The following NPTN variants were observed in gnomAD, a reference collection of about 807,000 sequenced individuals.
NPTN encodes the protein neuroplastin.
Under a neutral mutation model 42.7 loss-of-function variants are expected in NPTN, and 5 were observed. The ratio of observed to expected loss-of-function variants is 0.12; its 90% CI spans 0.06 to 0.25. The LOEUF (loss-of-function observed/expected upper bound fraction) is 0.25. Ranked by LOEUF, NPTN falls within the 10% of genes least tolerant of loss-of-function variation. The probability of loss-of-function intolerance (pLI) is 1.00; values close to 1 mark genes in which losing one functional copy is unlikely to be tolerated. For synonymous variants in NPTN, 180 were observed against 201.9 expected (o/e 0.89, Z 0.92); for missense variants, 307 against 525.4 (o/e 0.58, Z 4.06).
At chr15:73,592,180 T>C (rs1297888044) in intron 2 of NPTN, 43 bp from the exon 3 acceptor site, 1 of 1,571,880 alleles carries the variant, frequency 6.4e-7, no homozygotes, top group East Asian at 2.3e-5. Context: ...TAGCCTTCCA[T>C]CCTCTGTAGC....
intron 1 of NPTN, among the ~76,000 whole-genome samples, chr15:73,617,299 T>C (rs1386528530): frequency 2.0e-5 from 3 of 152,238 alleles, no homozygotes; most frequent in Admixed American, 2.0e-4. Context: ...AACACCAAAG[T>C]ATTATTTGAA....
chr15:73,620,262 G>C (rs1485195909), intron 1 of NPTN, among the ~76,000 whole-genome samples: 4 of 152,160 alleles, frequency 2.6e-5, no homozygotes, highest in African/African-American at 7.2e-5. Context: ...AAAGAGTAAA[G>C]GCAAGTCAAC....
At chr15:73,602,530 T>C (rs1462832789) in intron 1 of NPTN, among the ~76,000 whole-genome samples, 1 of 152,220 alleles carries the variant, frequency 6.6e-6, no homozygotes, top group African/African-American at 2.4e-5. Context: ...GACCCTTAAC[T>C]GCTGTGAGGC....
chr15:73,588,328 T>G (rs1486852052), intron 3 of NPTN, among the ~76,000 whole-genome samples: 1 of 152,218 alleles, frequency 6.6e-6, no homozygotes, highest in Non-Finnish European at 1.5e-5. Flanking sequence ...CTTTCTGAGC[T>G]TCTCCAAAGA....
intron 4 of NPTN, among the ~76,000 whole-genome samples, chr15:73,586,727 G>A (rs1896337211): frequency 6.6e-6 from 1 of 152,160 alleles, no homozygotes; most frequent in African/African-American, 2.4e-5. Context: ...AAATGAGAAA[G>A]ACTGAAAATA....
At chr15:73,582,366 C>T (rs765812906) in intron 4 of NPTN, among the ~76,000 whole-genome samples, 9 of 152,218 alleles carry the variant, frequency 5.9e-5, no homozygotes, top group Non-Finnish European at 1.3e-4. Flanking sequence ...TGAAGATTTA[C>T]TGCTTGCCAA....
chr15:73,569,625 CA>C lies in NPTN; in HGVS notation c.1114+524del. 1.0e-6 allele frequency: 1 copy of C among 985,484 alleles called. No individual in the cohort carries two copies. Among genetic ancestry groups the C allele is most frequent in the Non-Finnish European group, 1.2e-6 (1 of 829,934 alleles). 61.0% of individuals were successfully genotyped at this position (985,484 alleles called of 1,614,324 possible). A position where few individuals can be genotyped will look rare whatever the true frequency, so the allele number is the denominator to read the frequency against. ...CAAGGAACCAAAAGCTGGCTTGTTCCAATGGCTTTTCTGAGAACAGTCTGAC... is the reference window on the plus strand; with the variant it reads ...CAAGGAACCAAAAGCTGGCTTGTTCCATGGCTTTTCTGAGAACAGTCTGAC... On this transcript the variant is annotated intron_variant, in intron 6 of 8. Transcript: ENST00000345330. This position sits in a 1 kb window ranked among gnomAD's most constrained non-coding sequence, Gnocchi z 4.1.
Position 73,573,584 on chromosome 15 carries a change from A to G in NPTN, c.840+78T>C, listed in dbSNP as rs898435372. ...GCACACATCCGAGGATACAGCTACT[A>G]CAGTAACTGACCCACGTGTCTGGAC... On this transcript the variant is annotated intron_variant, in intron 5 of 8. Coordinates refer to ENST00000345330, the MANE Select transcript of NPTN (RefSeq NM_012428.4). The G allele has an allele frequency of 6.3e-6, 9 of 1,433,218 alleles. No homozygotes were observed. The African/African-American group carries it at 1.2e-4, about 19-fold the overall frequency. The allele number at this position is 1,433,218 out of a possible 1,614,324, so 88.8% of individuals were successfully genotyped here.
chr15:73,568,119 G>A (rs1337037500), intron 6 of NPTN: 1 of 985,428 alleles, frequency 1.0e-6, no homozygotes, highest in Non-Finnish European at 1.2e-6. Context: ...CAAAAAAAGA[G>A]CTGCTTCCCT....
chr15:73,587,303 G>A (rs2141390301), intron 4 of NPTN, among the ~76,000 whole-genome samples: 1 of 152,306 alleles, frequency 6.6e-6, no homozygotes, highest in East Asian at 1.9e-4. Flanking sequence ...GGAAAAGGAA[G>A]CAAAGAGAAG....
chr15:73,574,880 AAATT>A (rs1895602419), intron 4 of NPTN, among the ~76,000 whole-genome samples: 1 of 152,234 alleles, frequency 6.6e-6, no homozygotes, highest in African/African-American at 2.4e-5. Flanking sequence ...TGTAGTCTAA[AAATT>A]AAGTAAGTTT....
intron 4 of NPTN, among the ~76,000 whole-genome samples, chr15:73,580,631 G>C (rs976451192): frequency 3.2e-5 from 4 of 126,008 alleles, no homozygotes; most frequent in Non-Finnish European, 5.2e-5. Flanking sequence ...ATGTATATAT[G>C]TATATACATG....
chr15:73,598,009 G>T (rs1368461501), intron 1 of NPTN, among the ~76,000 whole-genome samples: 2 of 152,198 alleles, frequency 1.3e-5, no homozygotes, highest in East Asian at 3.9e-4. Flanking sequence ...TCTTCCCTGG[G>T]CCTATGGCAA....
chr15:73,585,894 TTC>T (rs1896296927), intron 4 of NPTN, among the ~76,000 whole-genome samples: 1 of 152,208 alleles, frequency 6.6e-6, no homozygotes, highest in Admixed American at 6.5e-5. Flanking sequence ...CAGCGTCCTA[TTC>T]TCTGACCCTG....
At chr15:73,566,920 G>A in intron 6 of NPTN, 1 of 619,940 alleles carries the variant, frequency 1.6e-6, no homozygotes, top group Non-Finnish European at 2.0e-6. Flanking sequence ...ACCATACAGG[G>A]GACTAAAGGA....
At position 73,560,271 on chromosome 15, in the gene NPTN, A is replaced by AAT. The variant is rs1426895260; in HGVS notation, c.*790_*791dup. Reference sequence around the variant, plus strand: ...TCAAGGTCATTGGAAACAAAAGAAAAATTATAAAAGTTTGCCTTGATTGAA... The same window carrying AAT: ...TCAAGGTCATTGGAAACAAAAGAAAAATATTATAAAAGTTTGCCTTGATTGAA... On this transcript the variant is annotated 3_prime_UTR_variant, in exon 9 of 9. Transcript: ENST00000345330. 6.0e-6 allele frequency: 1 copy of AAT among 166,372 alleles called. No homozygotes were observed. The highest frequency in any genetic ancestry group is 2.4e-5 in the African/African-American group (1 of 41,682). 10.3% of individuals were successfully genotyped at this position (166,372 alleles called of 1,614,324 possible).
chr15:73,588,968 C>T (rs1896455784), intron 3 of NPTN, among the ~76,000 whole-genome samples: 1 of 152,068 alleles, frequency 6.6e-6, no homozygotes, highest in South Asian at 2.1e-4. Context: ...ACTGAGTGAA[C>T]ACAAACACAG....
intron 4 of NPTN, among the ~76,000 whole-genome samples, chr15:73,579,636 C>T (rs1161619684): frequency 6.6e-6 from 1 of 152,114 alleles, no homozygotes; most frequent in Non-Finnish European, 1.5e-5. Context: ...GGGCTAGGAA[C>T]AGTCTTCACT....
At position 73,573,769 on chromosome 15, in the gene NPTN, G is replaced by A. The variant is rs373313152; in HGVS notation, c.733C>T (p.Arg245Trp). Residue 245 changes from arginine to tryptophan, a missense_variant, in exon 5 of 9, where the codon CGG becomes TGG. By Grantham distance (101) the Arg-to-Trp change is moderately radical. Transcript: ENST00000345330. ...TGCCCTTCATTCTTGTTCTCACTCCGTTTATGGCCAGTGATGTCAGGAGCG... is the reference window on the plus strand; with the variant it reads ...TGCCCTTCATTCTTGTTCTCACTCCATTTATGGCCAGTGATGTCAGGAGCG... ...KAAPDITGHK[R>W]SENKNEGQDA... 7 of 1,603,076 alleles carry A rather than the reference G, an allele frequency of 4.4e-6. No individual in the cohort carries two copies. Among genetic ancestry groups the A allele is most frequent in the Admixed American group, 1.7e-5 (1 of 58,236 alleles).
Sources: gnomAD v4.1 joint callset for allele counts (sites outside exome capture counted in the v4.1 genomes callset) on GRCh38, gnomAD v4.1.1 for gene constraint, Gnocchi (gnomAD v3.1) non-coding constraint, MANE v1.5 for transcripts, NCBI Gene and HGNC (gene_info 2026-07-23, HGNC 2026-07-21) for gene names.